The following FRMD8 variants were observed in gnomAD, a reference collection of about 807,000 sequenced individuals.
The protein encoded by FRMD8 is FERM domain containing 8.
A neutral mutation model predicts 54.2 loss-of-function variants in FRMD8; 37 were observed. The ratio of observed to expected loss-of-function variants is 0.68; its 90% confidence interval spans 0.53 to 0.90. The LOEUF (loss-of-function observed/expected upper bound fraction) is 0.90. Ranked by LOEUF, FRMD8 falls within the 40% of genes least tolerant of loss-of-function variation. The pLI, the probability that FRMD8 is intolerant of heterozygous loss-of-function variation, is 0.00. For synonymous variants in FRMD8, 246 were observed against 286.9 expected (o/e 0.86, Z 1.44); for missense variants, 585 against 653.7 (o/e 0.89, Z 1.15).
chr11:65,381,725 TTTTGA>T, upstream of FRMD8: 1 of 647,068 alleles, frequency 1.5e-6, no homozygotes. Context: ...CAGCTAATTA[TTTTGA>T]TTTTTTTGTA....
At chr11:65,379,353 G>A in the FRMD8 span, 5 of 1,603,814 alleles carry the variant, frequency 3.1e-6, no homozygotes, top group African/African-American at 4.0e-5. Flanking sequence ...ACACCTGTGT[G>A]TGCCCACTCA....
chr11:65,380,489 C>T, the FRMD8 span: 1,958 of 1,354,648 alleles, frequency 1.4e-3, 21 homozygotes, highest in East Asian at 0.033. Context: ...GGTATCCCAC[C>T]GCCTATGAGC....
chr11:65,379,109 C>G, the FRMD8 span: 1 of 470,900 alleles, frequency 2.1e-6, no homozygotes, highest in African/African-American at 2.0e-5. Context: ...GGGGGGCAAG[C>G]CCCGTCAGCT....
At chr11:65,376,537 A>G in the FRMD8 span, 3 of 1,614,184 alleles carry the variant, frequency 1.9e-6, no homozygotes, top group Non-Finnish European at 2.5e-6. Context: ...GCTGCTCACC[A>G]TGCAGTCCAG....
the FRMD8 span, among the ~76,000 whole-genome samples, chr11:65,374,038 A>G: frequency 6.6e-6 from 1 of 152,122 alleles, no homozygotes; most frequent in African/African-American, 2.4e-5. Flanking sequence ...GGACAGAGCC[A>G]GGTGCCTCAC....
chr11:65,393,067 C>T lies in FRMD8; in HGVS notation c.254-506C>T, dbSNP rs115517674. On this transcript the variant is annotated intron_variant, in intron 3 of 10. Transcript: ENST00000317568. ...CAGGAGCTGGGTTGCGTGTGGGCCA[C>T]GGAGGTGCAGAGCTTGCAGGATGGA... Among the ~76,000 whole-genome samples the T allele has an allele frequency of 6.2e-3, 949 of 152,252 alleles. 8 individuals are homozygous for T. Among genetic ancestry groups the T allele is most frequent in the African/African-American group, 0.022 (906 of 41,546 alleles).
At chr11:65,375,791 G>C in the FRMD8 span, 1 of 152,636 alleles carries the variant, frequency 6.6e-6, no homozygotes, top group Non-Finnish European at 1.5e-5. Context: ...AGCCGGGCGC[G>C]GTGGCTCACG....
intron 6 of FRMD8, among the ~76,000 whole-genome samples, chr11:65,395,272 G>A (rs1005356569): frequency 1.2e-4 from 18 of 152,012 alleles, no homozygotes; most frequent in Non-Finnish European, 2.5e-4. Context: ...GCCGGGTGCG[G>A]TGGCTCACGC....
At chr11:65,377,477 A>C in the FRMD8 span, 1 of 947,320 alleles carries the variant, frequency 1.1e-6, no homozygotes, top group Non-Finnish European at 1.3e-6. Context: ...GTGAAATAGC[A>C]AAGAAACCAC....
In FRMD8 at chr11:65,400,751, G is replaced by A; in HGVS notation, c.955G>A (p.Glu319Lys). 6.2e-7 allele frequency: 1 copy of A among 1,605,850 alleles called. No homozygotes were observed. Among genetic ancestry groups the A allele is most frequent in the Non-Finnish European group, 8.5e-7 (1 of 1,177,102 alleles). Residue 319 changes from glutamate to lysine, a missense_variant, in exon 9 of 11, where the codon GAG becomes AAG. Coordinates refer to ENST00000317568, the MANE Select transcript of FRMD8 (RefSeq NM_031904.5). This position sits in a 1 kb window ranked among gnomAD's most constrained non-coding sequence, Gnocchi z 4.3. Reference sequence around the variant, plus strand: ...TGTCCTGCTGGGCCTGCGCTTCCAGGAGCTGTCGTGGGACCACACCTCCCC... The same window carrying A: ...TGTCCTGCTGGGCCTGCGCTTCCAGAAGCTGTCGTGGGACCACACCTCCCC... ...KHVLLGLRFQ[E>K]LSWDHTSPEE...
At chr11:65,371,428 T>C in the FRMD8 span, among the ~76,000 whole-genome samples, 2 of 152,230 alleles carry the variant, frequency 1.3e-5, no homozygotes, top group Admixed American at 1.3e-4. Flanking sequence ...ATCAGCTCTT[T>C]GCAAGTGACT....
At chr11:65,382,191 C>T (rs1042682196), upstream of FRMD8, 1 of 566,476 alleles carries the variant, frequency 1.8e-6, no homozygotes, top group East Asian at 2.9e-5. This position sits in a 1 kb window ranked among gnomAD's most constrained non-coding sequence, Gnocchi z 4.4. Flanking sequence ...CGTGCCGGGA[C>T]CACAGAGGCC....
chr11:65,386,780 C>G lies in FRMD8; in HGVS notation c.-1+19C>G. 1.9e-6 allele frequency: 1 copy of G among 540,082 alleles called. No homozygotes were observed. The highest frequency in any genetic ancestry group is 3.3e-6 in the Non-Finnish European group (1 of 307,372). The allele number at this position is 540,082 out of a possible 1,614,324, so 33.5% of individuals were successfully genotyped here. The stretch of plus-strand genomic sequence containing the variant: ...CTGCGAGGTGAGAGCACAGCGACGT[C>G]TGGCCCGGGCCTCCGTCCCCGGCTG... On this transcript the variant is annotated intron_variant, in intron 1 of 10. Coordinates refer to ENST00000317568, the MANE Select transcript of FRMD8 (RefSeq NM_031904.5).
chr11:65,404,812 C>G lies in FRMD8; in HGVS notation c.1072-52C>G, dbSNP rs1565611564. 6.8e-7 allele frequency: 1 copy of G among 1,477,736 alleles called. No homozygotes were observed. The highest frequency in any genetic ancestry group is 2.3e-5 in the East Asian group (1 of 43,846). The allele number at this position is 1,477,736 out of a possible 1,614,324, so 91.5% of individuals were successfully genotyped here. On this transcript the variant is annotated intron_variant, in intron 9 of 10. Coordinates refer to ENST00000317568, the MANE Select transcript of FRMD8 (RefSeq NM_031904.5). The surrounding 1 kb of genome is among the most constrained non-coding windows in gnomAD (Gnocchi z 4.7). ...GCAGAGCTCATTTCAGGCTCAGCAA[C>G]AGGCATGGAAGGGGGCCCTGGCCAG...
At chr11:65,401,576 G>T (rs1856083005) in intron 9 of FRMD8, among the ~76,000 whole-genome samples, 1 of 148,592 alleles carries the variant, frequency 6.7e-6, no homozygotes. Flanking sequence ...CCCCACCCCT[G>T]CGCCTCCCAT....
At chr11:65,371,295 T>C in the FRMD8 span, among the ~76,000 whole-genome samples, 1,169 of 151,978 alleles carry the variant, frequency 7.7e-3, 19 homozygotes, top group African/African-American at 0.027. Context: ...CCACAGGGAG[T>C]GTCACTATAC....
chr11:65,379,575 C>A, the FRMD8 span: 2 of 1,596,724 alleles, frequency 1.3e-6, no homozygotes, highest in South Asian at 2.2e-5. Context: ...CAGAGAGACA[C>A]AGTGGCAGCG....
chr11:65,380,740 G>A, the FRMD8 span: 13 of 494,006 alleles, frequency 2.6e-5, no homozygotes, highest in Non-Finnish European at 4.0e-5. Context: ...TGGAGTTTGG[G>A]GGAGGTCGCA....
chr11:65,381,987 G>C, upstream of FRMD8: 1 of 1,588,278 alleles, frequency 6.3e-7, no homozygotes, highest in South Asian at 1.1e-5. Flanking sequence ...CTCCAGCAGA[G>C]GAGACAGAGT....
Sources: allele counts gnomAD v4.1 joint callset (sites outside exome capture counted in the v4.1 genomes callset), GRCh38; gene constraint gnomAD v4.1.1; non-coding constraint Gnocchi (gnomAD v3.1); transcripts MANE v1.5; gene names NCBI Gene and HGNC (gene_info 2026-07-23, HGNC 2026-07-21).